Variants in CPNE4 observed in about 807,000 individuals in gnomAD.
CPNE4 encodes the protein copine-4.
Under a neutral mutation model 67.9 loss-of-function variants are expected in CPNE4, and 25 were observed. The observed-to-expected ratio is 0.37, with a 90% CI of 0.27 to 0.51. The LOEUF (loss-of-function observed/expected upper bound fraction) is 0.51. CPNE4 is among the 20% of genes least tolerant of loss of function. The pLI is 0.93. For missense variants in CPNE4, 464 were observed against 690.8 expected (o/e 0.67, Z 3.68); for synonymous variants, 242 against 244.9 (o/e 0.99, Z 0.11).
At chr3:131,900,896 A>T (rs1053363411) in intron 2 of CPNE4, among the ~76,000 whole-genome samples, 1 of 152,138 alleles carries the variant, frequency 6.6e-6, no homozygotes, top group Admixed American at 6.6e-5. Flanking sequence ...TATGGAATTG[A>T]TCCAAAGGTA....
chr3:131,650,512 C>T (rs1380689836), intron 7 of CPNE4, among the ~76,000 whole-genome samples: 2 of 142,192 alleles, frequency 1.4e-5, no homozygotes, highest in Admixed American at 6.7e-5. Context: ...AATCCCAGCA[C>T]TCTGGGAGGC....
chr3:132,020,512 G>C (rs551748127), intron 1 of CPNE4, among the ~76,000 whole-genome samples: 81 of 152,270 alleles, frequency 5.3e-4, no homozygotes, highest in South Asian at 1.7e-3. Flanking sequence ...GTTCCTGAAG[G>C]GTGGCATAGT....
At chr3:131,828,643 T>C (rs1221080574) in intron 2 of CPNE4, among the ~76,000 whole-genome samples, 3 of 152,158 alleles carry the variant, frequency 2.0e-5, no homozygotes, top group Non-Finnish European at 4.4e-5. Flanking sequence ...CTTGGATGAA[T>C]ATTTAGAAGG....
At chr3:131,773,270 GT>G (rs2083212006) in intron 2 of CPNE4, among the ~76,000 whole-genome samples, 1 of 152,072 alleles carries the variant, frequency 6.6e-6, no homozygotes, top group Non-Finnish European at 1.5e-5. Context: ...GGACATACCT[GT>G]TTTATTTTAA....
At chr3:131,826,483 C>T (rs1168269409) in intron 2 of CPNE4, among the ~76,000 whole-genome samples, 2 of 152,194 alleles carry the variant, frequency 1.3e-5, no homozygotes, top group Non-Finnish European at 2.9e-5. Context: ...CAGGCATGAG[C>T]CCCTGGGCCT....
chr3:131,923,878 C>A (rs921491516), intron 1 of CPNE4, among the ~76,000 whole-genome samples: 11 of 151,846 alleles, frequency 7.2e-5, no homozygotes, highest in African/African-American at 2.7e-4. Flanking sequence ...CTTTCTAATC[C>A]TCCTCTCTCC....
chr3:131,937,609 G>C (rs568858271), intron 1 of CPNE4, among the ~76,000 whole-genome samples: 1 of 152,096 alleles, frequency 6.6e-6, no homozygotes, highest in Non-Finnish European at 1.5e-5. Context: ...AAAATAAACT[G>C]TCAGTATTAG....
intron 2 of CPNE4, among the ~76,000 whole-genome samples, chr3:131,785,299 A>G (rs2083528315): frequency 6.6e-6 from 1 of 152,076 alleles, no homozygotes; most frequent in African/African-American, 2.4e-5. Context: ...CCTCAAACAT[A>G]CAAGCTATAG....
chr3:132,017,908 G>A (rs1245446510), intron 1 of CPNE4, among the ~76,000 whole-genome samples: 1 of 152,164 alleles, frequency 6.6e-6, no homozygotes, highest in Non-Finnish European at 1.5e-5. Flanking sequence ...GATACTCATT[G>A]GCACACAGCC....
intron 2 of CPNE4, among the ~76,000 whole-genome samples, chr3:131,739,001 C>A (rs2082301841): frequency 1.3e-5 from 2 of 152,120 alleles, no homozygotes; most frequent in African/African-American, 4.8e-5. Flanking sequence ...ATTACAGATG[C>A]CTGCCACCAC....
chr3:131,925,870 T>C (rs2070879822), intron 1 of CPNE4, among the ~76,000 whole-genome samples: 1 of 152,092 alleles, frequency 6.6e-6, no homozygotes, highest in African/African-American at 2.4e-5. Flanking sequence ...CACCATATTA[T>C]CCTGCATTTA....
intron 15 of CPNE4, among the ~76,000 whole-genome samples, chr3:131,536,781 C>G (rs1370844075): frequency 3.9e-5 from 6 of 152,182 alleles, no homozygotes; most frequent in African/African-American, 1.4e-4. Flanking sequence ...TAAATAACTG[C>G]TCAGGGTTGT....
At chr3:131,568,299 T>C (rs1451083158) in intron 10 of CPNE4, among the ~76,000 whole-genome samples, 2 of 152,056 alleles carry the variant, frequency 1.3e-5, no homozygotes, top group Non-Finnish European at 2.9e-5. Flanking sequence ...GAATTCTCTG[T>C]GCTCTTTAAA....
At chr3:131,684,025 C>T (rs565290191) in intron 6 of CPNE4, among the ~76,000 whole-genome samples, 1 of 152,198 alleles carries the variant, frequency 6.6e-6, no homozygotes, top group South Asian at 2.1e-4. Context: ...CACTACCAAG[C>T]GGATGAGGGA....
chr3:131,553,756 T>G (rs1936312905), intron 12 of CPNE4, among the ~76,000 whole-genome samples: 1 of 152,084 alleles, frequency 6.6e-6, no homozygotes, highest in Admixed American at 6.6e-5. Flanking sequence ...GGTGCTTGTG[T>G]TTCAGTTTCA....
intron 7 of CPNE4, among the ~76,000 whole-genome samples, chr3:131,665,846 G>A (rs1175465607): frequency 6.6e-6 from 1 of 151,968 alleles, no homozygotes; most frequent in East Asian, 1.9e-4. Context: ...AAAATATTAA[G>A]CACTCCTGCA....
chr3:131,841,292 G>A (rs957605576), intron 2 of CPNE4, among the ~76,000 whole-genome samples: 3 of 152,146 alleles, frequency 2.0e-5, no homozygotes, highest in African/African-American at 7.2e-5. Context: ...AGAGCACAGA[G>A]AATTTAGATG....
At chr3:131,908,529 T>C (rs1485034132) in intron 1 of CPNE4, among the ~76,000 whole-genome samples, 1 of 152,132 alleles carries the variant, frequency 6.6e-6, no homozygotes, top group Non-Finnish European at 1.5e-5. Flanking sequence ...ACTCCTCTTC[T>C]GCAGCTTTCA....
intron 8 of CPNE4, among the ~76,000 whole-genome samples, chr3:131,586,944 T>G (rs1313320556): frequency 1.3e-5 from 2 of 152,144 alleles, no homozygotes; most frequent in East Asian, 3.9e-4. Context: ...GGTACCTATA[T>G]GAAAATTTGG....
Sources: gnomAD v4.1 joint callset for allele counts (sites outside exome capture counted in the v4.1 genomes callset) on GRCh38, gnomAD v4.1.1 for gene constraint, MANE v1.5 for transcripts, NCBI Gene and HGNC (gene_info 2026-07-23, HGNC 2026-07-21) for gene names.